The following RNF150 variants were observed in gnomAD, a reference collection of about 807,000 sequenced individuals.
RNF150 encodes ring finger protein 150.
A neutral mutation model predicts 39.3 loss-of-function variants in RNF150; 24 were observed. That is an observed-to-expected ratio of 0.61 (90% confidence interval 0.44 to 0.86). The LOEUF (loss-of-function observed/expected upper bound fraction) is 0.86. RNF150 is among the 40% of genes least tolerant of loss of function. RNF150 has a pLI of 0.00. For missense variants in RNF150, 502 were observed against 587.8 expected (o/e 0.85, Z 1.51); for synonymous variants, 255 against 227.3 (o/e 1.12, Z -1.10).
intron 1 of RNF150, among the ~76,000 whole-genome samples, chr4:141,026,899 T>G (rs1325857138): frequency 6.6e-6 from 1 of 152,126 alleles, no homozygotes; most frequent in African/African-American, 2.4e-5. Context: ...AGCAACATAG[T>G]AAGTAAGCTC....
chr4:141,175,365 G>C (rs924622495), intron 1 of RNF150, among the ~76,000 whole-genome samples: 4 of 152,188 alleles, frequency 2.6e-5, no homozygotes, highest in South Asian at 2.1e-4. Context: ...CCAGAGTTTT[G>C]AGTTCTAGTG....
intron 1 of RNF150, among the ~76,000 whole-genome samples, chr4:141,206,428 AAAAAAAAAAAG>A (rs1268666444): frequency 6.6e-6 from 1 of 151,614 alleles, no homozygotes; most frequent in East Asian, 1.9e-4. Flanking sequence ...TCAAAAAAAA[AAAAAAAAAAAG>A]AGTGTTCCCA....
chr4:140,917,110 A>G (rs1368441533), intron 5 of RNF150, among the ~76,000 whole-genome samples: 3 of 152,298 alleles, frequency 2.0e-5, no homozygotes, highest in Non-Finnish European at 4.4e-5. Flanking sequence ...AAAGACCATC[A>G]AGGCTAGGAA....
At chr4:141,082,409 A>T (rs1285833644) in intron 1 of RNF150, among the ~76,000 whole-genome samples, 1 of 152,104 alleles carries the variant, frequency 6.6e-6, no homozygotes, top group Middle Eastern at 3.2e-3. Context: ...TATATGCACC[A>T]TTACTGGTTT....
intron 1 of RNF150, among the ~76,000 whole-genome samples, chr4:140,968,229 T>C (rs923951204): frequency 2.4e-4 from 37 of 152,196 alleles, no homozygotes; most frequent in African/African-American, 8.2e-4. Flanking sequence ...AGTTCTATGT[T>C]GCATTCCATA....
chr4:141,127,931 T>C (rs1036926750), intron 1 of RNF150, among the ~76,000 whole-genome samples: 3 of 152,228 alleles, frequency 2.0e-5, no homozygotes, highest in African/African-American at 7.2e-5. Flanking sequence ...TTATCATACA[T>C]GCCCTTGCTA....
At chr4:141,193,918 A>C (rs1728156894) in intron 1 of RNF150, among the ~76,000 whole-genome samples, 1 of 152,182 alleles carries the variant, frequency 6.6e-6, no homozygotes, top group Non-Finnish European at 1.5e-5. Flanking sequence ...TTTTATTCTA[A>C]TTTTGTTCTT....
At chr4:141,107,844 AAT>A (rs1316343659) in intron 1 of RNF150, among the ~76,000 whole-genome samples, 1 of 152,190 alleles carries the variant, frequency 6.6e-6, no homozygotes, top group Non-Finnish European at 1.5e-5. Flanking sequence ...TTATAGCTAG[AAT>A]ATATATATAG....
chr4:141,212,351 C>T (rs9683981), intron 1 of RNF150, among the ~76,000 whole-genome samples: 33,717 of 152,072 alleles, frequency 0.22, 3,985 homozygotes, highest in South Asian at 0.32. Flanking sequence ...AACTGCATAC[C>T]GAAGACATCA....
intron 1 of RNF150, among the ~76,000 whole-genome samples, chr4:141,198,734 C>G (rs1728244677): frequency 6.6e-6 from 1 of 152,180 alleles, no homozygotes; most frequent in African/African-American, 2.4e-5. Flanking sequence ...TTTTATTGCT[C>G]AGTTTGGGGC....
At position 140,866,132 on chromosome 4, in the gene RNF150, C is replaced by A. The variant is rs1292220726; in HGVS notation, c.*2129G>T. 1 of 152,202 alleles carries A rather than the reference C, an allele frequency of 6.6e-6. No homozygotes were observed. The highest frequency in any genetic ancestry group is 1.5e-5 in the Non-Finnish European group (1 of 68,036). 9.4% of individuals were successfully genotyped at this position (152,202 alleles called of 1,614,324 possible). A position where few individuals can be genotyped will look rare whatever the true frequency, so the allele number is the denominator to read the frequency against. On this transcript the variant is annotated 3_prime_UTR_variant, in exon 7 of 7. Coordinates refer to ENST00000515673, the MANE Select transcript of RNF150 (RefSeq NM_020724.2). Reference sequence around the variant, plus strand: ...CAACTCCTACTTGGACTTAAAACTTCAATCATTTAGATTTTCATTCTCAGC... The same window carrying A: ...CAACTCCTACTTGGACTTAAAACTTAAATCATTTAGATTTTCATTCTCAGC...
chr4:140,991,388 T>A lies in RNF150; in HGVS notation c.485-23515A>T, dbSNP rs537519909. ...TGTCAATTTTTGCTTTTGTTGCAAT[T>A]GCTTTTGGTGATTTTGTCATGAAAT... On this transcript the variant is annotated intron_variant, in intron 1 of 6. Coordinates refer to ENST00000515673, the MANE Select transcript of RNF150 (RefSeq NM_020724.2). 1.1e-4 allele frequency among the ~76,000 whole-genome samples: 17 copies of A among 152,342 alleles called. No individual in the cohort carries two copies. In the East Asian group the frequency reaches 2.9e-3, roughly 26 times the overall value.
intron 1 of RNF150, among the ~76,000 whole-genome samples, chr4:141,152,038 C>T (rs2636765): frequency 0.98 from 148,511 of 152,298 alleles, 72,517 homozygotes; most frequent in East Asian, 1. Flanking sequence ...TCAGTAACAG[C>T]GATAAAATTG....
intron 1 of RNF150, among the ~76,000 whole-genome samples, chr4:141,045,480 A>T (rs564877461): frequency 1.3e-5 from 2 of 152,198 alleles, no homozygotes; most frequent in Admixed American, 1.3e-4. Context: ...GACTCTTTTA[A>T]ATTTAGGAAT....
chr4:141,208,183 C>A (rs984127400), intron 1 of RNF150, among the ~76,000 whole-genome samples: 2 of 152,206 alleles, frequency 1.3e-5, no homozygotes, highest in Admixed American at 1.3e-4. Flanking sequence ...TTCCTCGGTT[C>A]TGCTTTCCAA....
intron 4 of RNF150, among the ~76,000 whole-genome samples, chr4:140,935,856 T>C (rs921372396): frequency 6.6e-6 from 1 of 152,188 alleles, no homozygotes; most frequent in Non-Finnish European, 1.5e-5. Context: ...ATTTCTTAAG[T>C]GTGTGTATGT....
At chr4:141,014,502 TTATC>T (rs1461612475) in intron 1 of RNF150, among the ~76,000 whole-genome samples, 3 of 152,240 alleles carry the variant, frequency 2.0e-5, no homozygotes, top group African/African-American at 7.2e-5. Context: ...CTCCAACACG[TTATC>T]TTTCACCTTT....
chr4:140,979,867 T>C (rs1733798848), intron 1 of RNF150, among the ~76,000 whole-genome samples: 1 of 152,048 alleles, frequency 6.6e-6, no homozygotes, highest in South Asian at 2.1e-4. Flanking sequence ...AAGTAAAAAA[T>C]GAATAACTGG....
intron 1 of RNF150, among the ~76,000 whole-genome samples, chr4:141,117,511 T>C (rs1447545608): frequency 6.6e-6 from 1 of 152,230 alleles, no homozygotes; most frequent in Non-Finnish European, 1.5e-5. Flanking sequence ...CTGTACCATC[T>C]AGATTTGTAC....
Sources: gnomAD v4.1 joint callset for allele counts (sites outside exome capture counted in the v4.1 genomes callset) on GRCh38, gnomAD v4.1.1 for gene constraint, MANE v1.5 for transcripts, NCBI Gene and HGNC (gene_info 2026-07-23, HGNC 2026-07-21) for gene names.